Variants in MCCC1 observed in about 807,000 individuals in gnomAD.
MCCC1 encodes methylcrotonyl-CoA carboxylase subunit 1.
A neutral mutation model predicts 83.8 loss-of-function variants in MCCC1; 64 were observed. The observed-to-expected ratio is 0.76, with a 90% CI of 0.62 to 0.94. The LOEUF (loss-of-function observed/expected upper bound fraction) is 0.94, where lower values mean the gene tolerates loss of function less well. Among genes scored for constraint, MCCC1 ranks in the 40% least tolerant of loss-of-function variants. MCCC1 has a pLI of 0.00. For synonymous variants in MCCC1, 322 were observed against 315.4 expected, an observed-to-expected ratio of 1.02 and a Z score of -0.22; for missense variants, 807 against 904.7, an observed-to-expected ratio of 0.89 and a Z score of 1.39.
At chr3:183,053,353 T>C (rs1452188585) in intron 8 of MCCC1, among the ~76,000 whole-genome samples, 3 of 151,882 alleles carry the variant, frequency 2.0e-5, no homozygotes, top group Non-Finnish European at 4.4e-5. Flanking sequence ...CCAGGCATGA[T>C]AGCACACACC....
rs764055797 is a variant in MCCC1 at position 183,046,491 on chromosome 3, G to A, written c.956-951C>T. Among the ~76,000 whole-genome samples the A allele has an allele frequency of 1.5e-4, 23 of 151,292 alleles. 1 individual carries two copies. Among genetic ancestry groups the A allele is most frequent in the Admixed American group, 7.2e-4 (11 of 15,202 alleles). ...TGGCTCACTGCAACCTCTGCCTCCCGGGTTCAAGCAATTCCTCCACCTCAG... is the reference window on the plus strand; with the variant it reads ...TGGCTCACTGCAACCTCTGCCTCCCAGGTTCAAGCAATTCCTCCACCTCAG... On this transcript the variant is annotated intron_variant, in intron 9 of 18. Transcript: ENST00000265594.
At chr3:183,030,768 C>T (rs1577253619) in intron 14 of MCCC1, among the ~76,000 whole-genome samples, 1 of 152,144 alleles carries the variant, frequency 6.6e-6, no homozygotes, top group Admixed American at 6.5e-5. Flanking sequence ...AAGACATTTC[C>T]TTCTCTTCTC....
At chr3:183,054,613 C>T (rs1365125666) in intron 8 of MCCC1, among the ~76,000 whole-genome samples, 1 of 152,080 alleles carries the variant, frequency 6.6e-6, no homozygotes, top group Non-Finnish European at 1.5e-5. Flanking sequence ...CAAGCTAAGG[C>T]TAATTTATTA....
At chr3:183,065,989 G>A (rs1716229265) in intron 7 of MCCC1, among the ~76,000 whole-genome samples, 1 of 152,164 alleles carries the variant, frequency 6.6e-6, no homozygotes, top group African/African-American at 2.4e-5. Flanking sequence ...GTTATGTAAA[G>A]GTGAAATTTG....
chr3:183,082,109 T>C (rs1717556504), intron 4 of MCCC1, among the ~76,000 whole-genome samples: 1 of 152,228 alleles, frequency 6.6e-6, no homozygotes, highest in Admixed American at 6.5e-5. Flanking sequence ...CCAAGTGTTC[T>C]TTCTGCTCAT....
chr3:183,027,990 C>T (rs927454113), intron 14 of MCCC1, among the ~76,000 whole-genome samples: 2 of 152,192 alleles, frequency 1.3e-5, no homozygotes, highest in South Asian at 2.1e-4. Context: ...ACAAAACAGT[C>T]TTCTTTTGGA....
chr3:183,076,345 T>C (rs1717072290), intron 4 of MCCC1, among the ~76,000 whole-genome samples: 1 of 152,216 alleles, frequency 6.6e-6, no homozygotes, highest in Non-Finnish European at 1.5e-5. Flanking sequence ...TTTATTCATG[T>C]TATGGAGTGT....
intron 4 of MCCC1, among the ~76,000 whole-genome samples, chr3:183,074,406 T>C (rs1486337101): frequency 1.3e-5 from 2 of 152,148 alleles, no homozygotes; most frequent in Admixed American, 1.3e-4. Context: ...ATTTAATGAG[T>C]GATGAAGCCA....
intron 10 of MCCC1, among the ~76,000 whole-genome samples, chr3:183,043,432 T>C (rs553683551): frequency 3.3e-5 from 5 of 152,362 alleles, no homozygotes; most frequent in South Asian, 2.1e-4. Context: ...ACACTGGCTC[T>C]CCGGAACCCC....
chr3:183,020,369 C>T (rs931217819), intron 16 of MCCC1, 132 bp from the exon 17 acceptor site: 12 of 787,898 alleles, frequency 1.5e-5, no homozygotes, highest in South Asian at 4.4e-5. Context: ...CAGTGGCTCA[C>T]GATTGTAAAC....
At chr3:183,050,577 G>C (rs145258471) in intron 9 of MCCC1, among the ~76,000 whole-genome samples, 1 of 151,722 alleles carries the variant, frequency 6.6e-6, no homozygotes, top group Admixed American at 6.6e-5. Context: ...GTGATGGCAC[G>C]TGCCTGTAAT....
upstream of MCCC1, among the ~76,000 whole-genome samples, chr3:183,101,382 GGA>G (rs1446929766): frequency 6.6e-6 from 1 of 152,228 alleles, no homozygotes; most frequent in South Asian, 2.1e-4. Flanking sequence ...GTGGGGACGT[GGA>G]GAGTCTTTAT....
At chr3:183,053,328 A>T (rs1432949018) in intron 8 of MCCC1, among the ~76,000 whole-genome samples, 1 of 151,928 alleles carries the variant, frequency 6.6e-6, no homozygotes, top group African/African-American at 2.4e-5. Context: ...GTCTCTACAA[A>T]AATAAAAAAA....
At chr3:183,105,525 A>G (rs1278841329) in intron 1 of MCCC1, among the ~76,000 whole-genome samples, 1 of 152,188 alleles carries the variant, frequency 6.6e-6, no homozygotes, top group Admixed American at 6.5e-5. Context: ...CCATATGCTT[A>G]TATATGTAGA....
intron 13 of MCCC1, among the ~76,000 whole-genome samples, chr3:183,035,794 G>A (rs1713529477): frequency 6.6e-6 from 1 of 151,974 alleles, no homozygotes; most frequent in African/African-American, 2.4e-5. Flanking sequence ...AAAAGTATGT[G>A]AGAGCTGAGA....
intron 1 of MCCC1, 62 bp from the exon 2 acceptor site, chr3:183,094,667 A>C: frequency 6.5e-7 from 1 of 1,531,500 alleles, no homozygotes; most frequent in Non-Finnish European, 9.1e-7. Flanking sequence ...TTGTTCTTTC[A>C]AAAGAATTTC....
intron 8 of MCCC1, among the ~76,000 whole-genome samples, chr3:183,055,856 C>T (rs1715384025): frequency 6.6e-6 from 1 of 152,122 alleles, no homozygotes; most frequent in Admixed American, 6.5e-5. Context: ...TATGATCATG[C>T]CACTGCACTC....
chr3:183,062,656 T>C (rs772173626), intron 7 of MCCC1, among the ~76,000 whole-genome samples: 12 of 152,132 alleles, frequency 7.9e-5, no homozygotes, highest in Admixed American at 2.0e-4. Flanking sequence ...TGCCCAGCCT[T>C]GTCTGAGGTC....
Position 183,017,348 on chromosome 3 carries a change from A to C in MCCC1, c.1978-11T>G. 1 of 1,613,306 alleles carries C rather than the reference A, an allele frequency of 6.2e-7. No homozygotes were observed. Among genetic ancestry groups the C allele is most frequent in the Middle Eastern group, 1.7e-4 (1 of 6,060 alleles). ...AGCTTTGACAAACACCTTGAGATTC[A>C]GTGTGACAGGTTAATATTTGAAAAC... is the stretch of plus-strand genomic sequence containing the variant. On this transcript the variant is annotated splice_polypyrimidine_tract_variant and intron_variant, in intron 17 of 18. Coordinates refer to ENST00000265594, the MANE Select transcript of MCCC1 (RefSeq NM_020166.5).
Sources: gnomAD v4.1 joint callset for allele counts (sites outside exome capture counted in the v4.1 genomes callset) on GRCh38, gnomAD v4.1.1 for gene constraint, MANE v1.5 for transcripts, NCBI Gene and HGNC (gene_info 2026-07-23, HGNC 2026-07-21) for gene names.